CASP6: variants seen among roughly 807,000 people sequenced by gnomAD.
CASP6 encodes caspase 6.
A neutral mutation model predicts 31.8 loss-of-function variants in CASP6; 20 were observed. That is an observed-to-expected ratio of 0.63 (90% CI 0.44 to 0.91). The LOEUF (loss-of-function observed/expected upper bound fraction) is 0.91, where lower values mean the gene tolerates loss of function less well. CASP6 is among the 40% of genes least tolerant of loss of function. The pLI is 0.00. For missense variants in CASP6, 328 were observed against 361.1 expected (o/e 0.91, Z 0.74); for synonymous variants, 130 against 127.8 (o/e 1.02, Z -0.12).
intron 1 of CASP6, among the ~76,000 whole-genome samples, chr4:109,700,480 C>T (rs1012300472): frequency 6.6e-6 from 1 of 152,178 alleles, no homozygotes; most frequent in African/African-American, 2.4e-5. Flanking sequence ...TATGACTGCC[C>T]CTGTGAATAG....
chr4:109,697,477 G>C (rs964290642), intron 3 of CASP6, 145 bp downstream of exon 3: 1 of 847,804 alleles, frequency 1.2e-6, no homozygotes, highest in South Asian at 2.0e-5. Flanking sequence ...CTGTTGCCCA[G>C]ACTTGTCTCA....
chr4:109,678,889 T>C, the CASP6 span, among the ~76,000 whole-genome samples: 1 of 138,616 alleles, frequency 7.2e-6, no homozygotes, highest in East Asian at 2.2e-4. Flanking sequence ...ACTCCCCACT[T>C]CCCAGACGGG....
At chr4:109,682,797 G>T in the CASP6 span, 4 of 1,372,440 alleles carry the variant, frequency 2.9e-6, no homozygotes, top group Non-Finnish European at 4.0e-6. Context: ...TGTTTATTGA[G>T]TGCTCCTCAT....
chr4:109,681,352 T>A, the CASP6 span: 4 of 353,162 alleles, frequency 1.1e-5, no homozygotes, highest in African/African-American at 8.6e-5. Flanking sequence ...CTAAAGTTTG[T>A]CTGTAGATTC....
At chr4:109,678,204 T>C in the CASP6 span, among the ~76,000 whole-genome samples, 1 of 152,256 alleles carries the variant, frequency 6.6e-6, no homozygotes, top group East Asian at 1.9e-4. Context: ...TGGAGTCTCC[T>C]ATGTCTACTT....
intron 6 of CASP6, among the ~76,000 whole-genome samples, chr4:109,690,641 A>G (rs1212440903): frequency 1.3e-5 from 2 of 152,184 alleles, no homozygotes; most frequent in Admixed American, 6.5e-5. Flanking sequence ...TTTACTCAAC[A>G]TAACTCTCAG....
chr4:109,677,724 C>T, the CASP6 span, among the ~76,000 whole-genome samples: 2 of 151,714 alleles, frequency 1.3e-5, no homozygotes, highest in East Asian at 1.9e-4. Context: ...AGCAAGAAGG[C>T]CCTTGTCAGA....
chr4:109,670,112 A>G, the CASP6 span, among the ~76,000 whole-genome samples: 2 of 152,346 alleles, frequency 1.3e-5, no homozygotes, highest in Admixed American at 1.3e-4. Flanking sequence ...GATATACTGG[A>G]TAAAGGGAAC....
chr4:109,698,870 A>G (rs1730332430), intron 1 of CASP6, among the ~76,000 whole-genome samples: 1 of 152,152 alleles, frequency 6.6e-6, no homozygotes, highest in African/African-American at 2.4e-5. Context: ...TGCATTTCCA[A>G]CCCTGTAAGG....
chr4:109,673,934 C>T, the CASP6 span: 7 of 785,720 alleles, frequency 8.9e-6, no homozygotes, highest in Non-Finnish European at 1.6e-5. Context: ...CCATTCGTAC[C>T]CATTGGAATA....
intron 1 of CASP6, among the ~76,000 whole-genome samples, chr4:109,700,399 A>G (rs902461763): frequency 3.3e-5 from 5 of 152,162 alleles, no homozygotes; most frequent in African/African-American, 1.2e-4. Context: ...TGGCAAGCCT[A>G]TAGTCCCGGT....
chr4:109,700,938 T>C (rs1313658840), intron 1 of CASP6, among the ~76,000 whole-genome samples: 3 of 152,194 alleles, frequency 2.0e-5, no homozygotes, highest in Non-Finnish European at 2.9e-5. Context: ...TAAGTATCAT[T>C]ATGCCGCATT....
chr4:109,703,381 C>T lies in CASP6; in HGVS notation c.15G>A (p.Ser5=), dbSNP rs144297817. 1,512 of 1,611,744 alleles carry T rather than the reference C, an allele frequency of 9.4e-4. 7 individuals are homozygous for T. Among genetic ancestry groups the T allele is most frequent in the Middle Eastern group, 4.1e-3 (25 of 6,056 alleles). Reference sequence around the variant, plus strand: ...CTGCCGGGTGCCCCCTGCGGAGCCCCGAGGCCGAGCTCATTGCAGCCAAAC... The same window carrying T: ...CTGCCGGGTGCCCCCTGCGGAGCCCTGAGGCCGAGCTCATTGCAGCCAAAC... MSSA[S]GLRRGHPAGG... The change falls in exon 1 of 7, where the codon TCG becomes TCA. Residue 5 remains serine (S), a synonymous_variant. Transcript: ENST00000265164.
At chr4:109,686,638 G>A (rs193197819), downstream of CASP6, among the ~76,000 whole-genome samples, 1 of 152,320 alleles carries the variant, frequency 6.6e-6, no homozygotes, top group Non-Finnish European at 1.5e-5. Flanking sequence ...TGATTTGGGA[G>A]GCTGAGGTGG....
chr4:109,705,974 TAAAAAAAA>T (rs59584573), upstream of CASP6, among the ~76,000 whole-genome samples: 17 of 29,386 alleles, frequency 5.8e-4, no homozygotes, highest in African/African-American at 8.5e-4. Context: ...AGACACTCTT[TAAAAAAAA>T]AAAAAAAAAA....
downstream of CASP6, among the ~76,000 whole-genome samples, chr4:109,687,165 A>G (rs1291982152): frequency 6.6e-6 from 1 of 152,096 alleles, no homozygotes; most frequent in African/African-American, 2.4e-5. Flanking sequence ...GACCAGCCAG[A>G]GCAACATGGC....
At chr4:109,687,402 T>C (rs1285139006), downstream of CASP6, 3 of 695,296 alleles carry the variant, frequency 4.3e-6, no homozygotes, top group Non-Finnish European at 7.4e-6. Flanking sequence ...ACTAATAGTT[T>C]AAACATTTTA....
chr4:109,672,218 T>G, the CASP6 span, among the ~76,000 whole-genome samples: 3 of 152,204 alleles, frequency 2.0e-5, no homozygotes, highest in Non-Finnish European at 2.9e-5. Context: ...CCAAGCCAGA[T>G]AAGGCTCTGG....
chr4:109,686,228 C>G (rs1729833177), downstream of CASP6, among the ~76,000 whole-genome samples: 1 of 152,180 alleles, frequency 6.6e-6, no homozygotes, highest in Non-Finnish European at 1.5e-5. Flanking sequence ...ACCTCCGCCT[C>G]CTGGGTTCAA....
Sources: gnomAD v4.1 joint callset for allele counts (sites outside exome capture counted in the v4.1 genomes callset) on GRCh38, gnomAD v4.1.1 for gene constraint, MANE v1.5 for transcripts, NCBI Gene and HGNC (gene_info 2026-07-23, HGNC 2026-07-21) for gene names.